XKR9: variants seen among roughly 807,000 people sequenced by gnomAD.
XKR9 encodes XK related 9.
In XKR9, 32 loss-of-function variants were observed where a neutral mutation model predicts 32.0. The observed-to-expected ratio is 1.00, with a 90% CI of 0.76 to 1.34. The LOEUF (loss-of-function observed/expected upper bound fraction) is 1.34, where lower values mean the gene tolerates loss of function less well. Ranked by LOEUF, XKR9 falls within the 40% of genes most tolerant of loss-of-function variation. The pLI, the probability that XKR9 is intolerant of heterozygous loss-of-function variation, is 0.00. For missense variants in XKR9, 546 were observed against 429.7 expected (o/e 1.27, Z -2.39); for synonymous variants, 168 against 143.4 (o/e 1.17, Z -1.22).
At chr8:70,712,850 A>G (rs1405481138) in intron 4 of XKR9, among the ~76,000 whole-genome samples, 3 of 152,270 alleles carry the variant, frequency 2.0e-5, no homozygotes, top group Admixed American at 6.5e-5. Context: ...GGAAGAATTC[A>G]CCTTCTCTTA....
chr8:71,054,523 C>T, the XKR9 span, among the ~76,000 whole-genome samples: 1 of 152,120 alleles, frequency 6.6e-6, no homozygotes, highest in Admixed American at 6.6e-5. Flanking sequence ...CCCAAAGCAC[C>T]ACTTCTGTAA....
the XKR9 span, among the ~76,000 whole-genome samples, chr8:70,867,058 A>G: frequency 1.3e-5 from 2 of 152,164 alleles, no homozygotes; most frequent in African/African-American, 4.8e-5. Context: ...AGACTGTGTA[A>G]TTGATACGGG....
chr8:70,857,979 G>T, the XKR9 span, among the ~76,000 whole-genome samples: 1 of 152,094 alleles, frequency 6.6e-6, no homozygotes, highest in Non-Finnish European at 1.5e-5. Flanking sequence ...AATAACAAGA[G>T]CTATCTAATG....
chr8:70,816,811 G>A, the XKR9 span, among the ~76,000 whole-genome samples: 1 of 152,124 alleles, frequency 6.6e-6, no homozygotes, highest in Non-Finnish European at 1.5e-5. Context: ...TGCAAGGTTG[G>A]TTCAACATGT....
chr8:70,729,421 A>G lies in XKR9; in HGVS notation c.494-4375A>G, dbSNP rs749923993. On this transcript the variant is annotated intron_variant, in intron 4 of 4. Coordinates refer to ENST00000408926, the MANE Select transcript of XKR9 (RefSeq NM_001011720.2). ...GATTACTTTAGTTTTCTGATAGTTC[A>G]GTTAACTCCTGTTCTGCTTGATATT... Among the ~76,000 whole-genome samples, 5 of 150,962 alleles carry G rather than the reference A, an allele frequency of 3.3e-5. No individual in the cohort carries two copies. The East Asian group carries it at 5.9e-4, about 18-fold the overall frequency.
chr8:70,809,959 G>A, the XKR9 span, among the ~76,000 whole-genome samples: 22 of 152,010 alleles, frequency 1.4e-4, no homozygotes, highest in Non-Finnish European at 2.6e-4. Flanking sequence ...GATACTCCTC[G>A]AGAAGAGCAA....
chr8:71,038,229 C>A, the XKR9 span, among the ~76,000 whole-genome samples: 2 of 151,724 alleles, frequency 1.3e-5, no homozygotes, highest in Admixed American at 1.3e-4. Context: ...TGATTTATTT[C>A]TTTCTCTTTT....
the XKR9 span, among the ~76,000 whole-genome samples, chr8:70,944,135 C>T: frequency 3.7e-5 from 5 of 134,086 alleles, no homozygotes; most frequent in South Asian, 1.1e-3. Context: ...AAAGTTATTC[C>T]CCCCGCCAAA....
the XKR9 span, among the ~76,000 whole-genome samples, chr8:70,998,704 C>T: frequency 6.6e-6 from 1 of 152,154 alleles, no homozygotes; most frequent in African/African-American, 2.4e-5. Context: ...ATTGTGCTTC[C>T]TTTAGTGGGG....
At chr8:70,845,527 A>G in the XKR9 span, among the ~76,000 whole-genome samples, 5 of 152,226 alleles carry the variant, frequency 3.3e-5, no homozygotes, top group African/African-American at 1.2e-4. Context: ...ACAGATAAAC[A>G]ATACAATGAA....
the XKR9 span, among the ~76,000 whole-genome samples, chr8:70,946,849 T>C: frequency 6.6e-6 from 1 of 152,196 alleles, no homozygotes; most frequent in Non-Finnish European, 1.5e-5. Context: ...TTTTAATTAG[T>C]TGACTGAATT....
chr8:70,743,574 G>C (rs1382369903), intron 2 of XKR9, among the ~76,000 whole-genome samples: 1 of 151,966 alleles, frequency 6.6e-6, no homozygotes, highest in East Asian at 1.9e-4. Flanking sequence ...TTTAAACTCT[G>C]AACTCTAAAC....
intron 2 of XKR9, among the ~76,000 whole-genome samples, chr8:70,754,529 A>G (rs1352690429): frequency 1.5e-5 from 2 of 135,690 alleles, no homozygotes; most frequent in South Asian, 2.2e-4. Flanking sequence ...ATAAGGCTAC[A>G]GTAACCAAAA....
the XKR9 span, among the ~76,000 whole-genome samples, chr8:71,033,096 A>AG: frequency 6.6e-6 from 1 of 152,002 alleles, no homozygotes; most frequent in East Asian, 1.9e-4. Context: ...AAAAAAAAAA[A>AG]ATCAATAAAC....
At chr8:70,801,120 A>G in the XKR9 span, among the ~76,000 whole-genome samples, 1 of 151,710 alleles carries the variant, frequency 6.6e-6, no homozygotes, top group Non-Finnish European at 1.5e-5. Context: ...ATGCTCTTTC[A>G]AGGAACCAAC....
chr8:71,051,529 GT>G, the XKR9 span, among the ~76,000 whole-genome samples: 1,149 of 57,834 alleles, frequency 0.02, 18 homozygotes, highest in African/African-American at 0.042. Context: ...TGGTGGTGGG[GT>G]GTGTGTGTGT....
rs575550949 is a variant in XKR9, at chr8:70,746,031, A to T, written n.352+38878A>T. On this transcript the variant is annotated intron_variant and non_coding_transcript_variant, in intron 2 of 3. Coordinates refer to the XKR9 transcript ENST00000520273. ...TTTCCCAAAGAGGCTATATTTTGAT[A>T]TTAGATCTAGTTTGTTACAGAGATG... is the stretch of plus-strand genomic sequence containing the variant. Among the ~76,000 whole-genome samples the T allele has an allele frequency of 1.2e-4, 19 of 152,300 alleles. 1 individual carries two copies. The South Asian group carries it at 2.9e-3, about 23-fold the overall frequency.
chr8:70,855,771 C>G, the XKR9 span, among the ~76,000 whole-genome samples: 1 of 152,230 alleles, frequency 6.6e-6, no homozygotes, highest in African/African-American at 2.4e-5. Context: ...AGACTAACAG[C>G]TGATCTCTTG....
chr8:70,739,041 T>C (rs201499675), downstream of XKR9, among the ~76,000 whole-genome samples: 1 of 150,772 alleles, frequency 6.6e-6, no homozygotes, highest in African/African-American at 2.4e-5. Context: ...CTTTCTGTCT[T>C]GTTGATCTGT....
Sources: gnomAD v4.1 joint callset for allele counts (sites outside exome capture counted in the v4.1 genomes callset) on GRCh38, gnomAD v4.1.1 for gene constraint, MANE v1.5 for transcripts, NCBI Gene and HGNC (gene_info 2026-07-23, HGNC 2026-07-21) for gene names.